Variants in USP34 observed in about 807,000 individuals in gnomAD.
The protein encoded by USP34 is ubiquitin specific peptidase 34, also known as ubiquitin carboxyl-terminal hydrolase 34.
Under a neutral mutation model 460.3 loss-of-function variants are expected in USP34, and 70 were observed. The observed-to-expected ratio is 0.15, with a 90% CI of 0.13 to 0.19. The LOEUF is 0.19. Among genes scored for constraint, USP34 ranks in the 10% least tolerant of loss-of-function variants. The pLI, the probability that USP34 is intolerant of heterozygous loss-of-function variation, is 1.00. For synonymous variants in USP34, 1,647 were observed against 1,405.3 expected, an observed-to-expected ratio of 1.17 and a Z score of -3.85; for missense variants, 3,985 against 4,236.2, an observed-to-expected ratio of 0.94 and a Z score of 1.65.
At chr2:61,307,231 C>T (rs1205586737) in intron 27 of USP34, among the ~76,000 whole-genome samples, 3 of 149,230 alleles carry the variant, frequency 2.0e-5, no homozygotes, top group African/African-American at 7.4e-5. Context: ...ATCCAAACAC[C>T]GCATGTTCTC....
At chr2:61,213,258 G>A (rs567871473) in intron 68 of USP34, among the ~76,000 whole-genome samples, 25 of 152,036 alleles carry the variant, frequency 1.6e-4, no homozygotes, top group Non-Finnish European at 3.4e-4. Flanking sequence ...CGAGTGATCC[G>A]CCTCTGCCTC....
rs911059046 is a variant in USP34 at position 61,434,854 on chromosome 2, A to G, written c.44-14021T>C. On this transcript the variant is annotated intron_variant, in intron 1 of 79. Coordinates refer to ENST00000398571, the MANE Select transcript of USP34 (RefSeq NM_014709.4). ...CATGACATCTTCAAAGGCAAACAGT[A>G]TAATTCTCCTGTAATAGACCCCAAT... is the stretch of plus-strand genomic sequence containing the variant. Among the ~76,000 whole-genome samples, 6 of 152,192 alleles carry G rather than the reference A, an allele frequency of 3.9e-5. No homozygotes were observed. The East Asian group carries it at 7.7e-4, about 20-fold the overall frequency.
chr2:61,456,181 T>G (rs1294817690), intron 1 of USP34, among the ~76,000 whole-genome samples: 1 of 152,236 alleles, frequency 6.6e-6, no homozygotes, highest in Non-Finnish European at 1.5e-5. Flanking sequence ...TTTCAGTGTA[T>G]TAGATATCCG....
At chr2:61,238,547 G>A (rs1366398837) in intron 53 of USP34, among the ~76,000 whole-genome samples, 1 of 152,056 alleles carries the variant, frequency 6.6e-6, no homozygotes, top group African/African-American at 2.4e-5. Flanking sequence ...CTTCTAAAAT[G>A]TTTTATGTTA....
At position 61,283,231 on chromosome 2, in the gene USP34, G is replaced by A. The variant is rs759477723; in HGVS notation, c.4912C>T (p.His1638Tyr). 2.5e-6 allele frequency: 4 copies of A among 1,613,332 alleles called. No homozygotes were observed. Among genetic ancestry groups the A allele is most frequent in the East Asian group, 4.5e-5 (2 of 44,784 alleles). ...CTAGATTTCACTAAAGAACAGCAAT[G>A]AGCCCAACTCACCAAGAGCCACATT... ...YSMWLLVSWA[H>Y]CCSLVKSSLA... Residue 1638 changes from histidine (H) to tyrosine (Y), a missense_variant, in exon 37 of 80, where the codon CAT becomes TAT. By Grantham distance (83) the His-to-Tyr change is moderately conservative. Transcript: ENST00000398571.
chr2:61,280,178 C>T (rs988123184), intron 39 of USP34, 66 bp downstream of exon 39: 2 of 936,044 alleles, frequency 2.1e-6, no homozygotes, highest in Admixed American at 5.6e-5. Context: ...AAGTCATGAA[C>T]ATATGTCATA....
chr2:61,469,597 C>G (rs956641164), intron 1 of USP34, among the ~76,000 whole-genome samples: 1 of 152,140 alleles, frequency 6.6e-6, no homozygotes, highest in Admixed American at 6.5e-5. Flanking sequence ...AACACAAATA[C>G]CATGGTACAT....
Position 61,339,345 on chromosome 2 carries a change from C to G in USP34, c.2744+6G>C. On this transcript the variant is annotated splice_donor_region_variant and intron_variant, in intron 18 of 79. Transcript: ENST00000398571. ...CTGCATTAAAAATTTTTAAATTCCT[C>G]TTTACCTGTTGTTTCCCAAGTTTTC... The G allele has an allele frequency of 6.2e-7, 1 of 1,604,290 alleles. No individual in the cohort carries two copies.
intron 43 of USP34, among the ~76,000 whole-genome samples, chr2:61,262,088 C>CAAAAAA (rs61651654): frequency 4.1e-4 from 19 of 46,816 alleles, no homozygotes; most frequent in Non-Finnish European, 5.3e-4. Flanking sequence ...AAGACTTCGT[C>CAAAAAA]AAAAAAAAAA....
intron 10 of USP34, among the ~76,000 whole-genome samples, chr2:61,368,269 T>C (rs1692499051): frequency 6.6e-6 from 1 of 152,090 alleles, no homozygotes; most frequent in South Asian, 2.1e-4. Flanking sequence ...CGGTCTCTAC[T>C]AAAAACACAA....
chr2:61,273,103 A>G (rs1420380703), intron 41 of USP34, among the ~76,000 whole-genome samples: 1 of 152,216 alleles, frequency 6.6e-6, no homozygotes, highest in Non-Finnish European at 1.5e-5. Context: ...CAATGATTCC[A>G]TATCAACATA....
intron 5 of USP34, among the ~76,000 whole-genome samples, chr2:61,392,273 C>A (rs957336967): frequency 6.6e-6 from 1 of 152,078 alleles, no homozygotes; most frequent in African/African-American, 2.4e-5. Flanking sequence ...GAGATCAAGG[C>A]TGCAGTCAGC....
Position 61,248,578 on chromosome 2 carries a change from G to A in USP34, c.6327C>T (p.Phe2109=), listed in dbSNP as rs755598269. 27 of 1,608,396 alleles carry A rather than the reference G, an allele frequency of 1.7e-5. No individual in the cohort carries two copies. In the East Asian group the frequency reaches 4.9e-4, roughly 29 times the overall value. ...AGGGCGTCATGTCCAAACGTAATGG[G>A]AAGGAAAAGTGTGTATTCACTTTCT... ...MKEKVNTHFS[F]PLRLDMTPYT... The change falls in exon 49 of 80, where the codon TTC becomes TTT. Residue 2109 remains phenylalanine, a synonymous_variant. Transcript: ENST00000398571.
At chr2:61,205,528 AT>A (rs1456597882) in intron 72 of USP34, among the ~76,000 whole-genome samples, 2 of 152,202 alleles carry the variant, frequency 1.3e-5, no homozygotes, top group Admixed American at 1.3e-4. Flanking sequence ...TGAAAAAAAA[AT>A]CACTATAAAT....
chr2:61,331,386 A>C lies in USP34; in HGVS notation c.2835-15T>G. 7 of 1,603,546 alleles carry C rather than the reference A, an allele frequency of 4.4e-6. No homozygotes were observed. Among genetic ancestry groups the C allele is most frequent in the Non-Finnish European group, 6.0e-6 (7 of 1,175,740 alleles). ...TTTCTGCCCACCTGGCCCAAATAAA[A>C]GAAAAAATAATTTTAAAGTGGGCAG... On this transcript the variant is annotated splice_polypyrimidine_tract_variant and intron_variant, in intron 19 of 79. Transcript: ENST00000398571.
intron 18 of USP34, among the ~76,000 whole-genome samples, chr2:61,338,317 T>C (rs532433635): frequency 1.3e-4 from 20 of 152,288 alleles, no homozygotes; most frequent in Non-Finnish European, 1.8e-4. Context: ...CAAGACTCCA[T>C]GTCCAAAAAA....
intron 27 of USP34, among the ~76,000 whole-genome samples, chr2:61,305,979 T>G (rs1292019468): frequency 6.6e-6 from 1 of 152,228 alleles, no homozygotes; most frequent in Admixed American, 6.5e-5. Flanking sequence ...TTCTGGATAT[T>G]AGCCCTTTGT....
chr2:61,345,830 C>T (rs1327496977), intron 15 of USP34, among the ~76,000 whole-genome samples: 1 of 152,048 alleles, frequency 6.6e-6, no homozygotes, highest in Non-Finnish European at 1.5e-5. Flanking sequence ...AGAGACAGGG[C>T]CCCACTAAGT....
chr2:61,412,286 G>A (rs75995914), intron 2 of USP34, among the ~76,000 whole-genome samples: 2 of 150,198 alleles, frequency 1.3e-5, no homozygotes, highest in African/African-American at 2.4e-5. Context: ...ATACAAAAAG[G>A]AAAAAAAGAT....
Sources: gnomAD v4.1 joint callset for allele counts (sites outside exome capture counted in the v4.1 genomes callset) on GRCh38, gnomAD v4.1.1 for gene constraint, MANE v1.5 for transcripts, NCBI Gene and HGNC (gene_info 2026-07-23, HGNC 2026-07-21) for gene names.